Variants in RAI1 observed in about 807,000 individuals in gnomAD.
RAI1 encodes the protein retinoic acid-induced protein 1.
RAI1 carries 9 observed loss-of-function variants against 123.8 expected under a neutral mutation model. That is an observed-to-expected ratio of 0.07 (90% confidence interval 0.04 to 0.13). The LOEUF (loss-of-function observed/expected upper bound fraction) is 0.13, where lower values mean the gene tolerates loss of function less well. Among genes scored for constraint, RAI1 ranks in the 10% least tolerant of loss-of-function variants. RAI1 has a pLI of 1.00. For missense variants in RAI1, 2,256 were observed against 2,545.8 expected (o/e 0.89, Z 2.45); for synonymous variants, 1,231 against 1,127.3 (o/e 1.09, Z -1.84).
chr17:17,769,727 A>G (rs1299484186), intron 2 of RAI1, among the ~76,000 whole-genome samples: 1 of 152,180 alleles, frequency 6.6e-6, no homozygotes, highest in Non-Finnish European at 1.5e-5. Flanking sequence ...GGCCTTACAG[A>G]AGGACTGGGG....
intron 2 of RAI1, among the ~76,000 whole-genome samples, chr17:17,792,131 A>G (rs917186866): frequency 4.6e-5 from 7 of 152,152 alleles, no homozygotes; most frequent in African/African-American, 1.4e-4. Flanking sequence ...TGGGCCACGT[A>G]ATCTGTTTAT....
intron 1 of RAI1, among the ~76,000 whole-genome samples, chr17:17,709,963 C>T (rs1845957841): frequency 6.6e-6 from 1 of 152,196 alleles, no homozygotes; most frequent in Non-Finnish European, 1.5e-5. Context: ...GCACCTCACG[C>T]TCATTCACAG....
chr17:17,708,677 C>T (rs1021664897), intron 1 of RAI1, among the ~76,000 whole-genome samples: 5 of 152,134 alleles, frequency 3.3e-5, no homozygotes, highest in Non-Finnish European at 7.4e-5. Flanking sequence ...TGTACACCTC[C>T]TGTGACTCCT....
At chr17:17,770,086 T>G (rs116700149) in intron 2 of RAI1, among the ~76,000 whole-genome samples, 6,063 of 150,930 alleles carry the variant, frequency 0.04, 407 homozygotes, top group African/African-American at 0.14. Flanking sequence ...ACAAGGCCTG[T>G]GATGGGAGGG....
rs534184064 is a variant in RAI1 at position 17,780,722 on chromosome 17, G to A, written c.-16-12211G>A. ...GGCATCAGCCTTTGAGGGTGCTGCA[G>A]TTACACGGCTCCAGCAGTCTGAGCC... On this transcript the variant is annotated intron_variant, in intron 2 of 5. Transcript: ENST00000353383. Among the ~76,000 whole-genome samples the A allele has an allele frequency of 1.0e-3, 158 of 152,344 alleles. 1 individual carries two copies. Among genetic ancestry groups the A allele is most frequent in the Non-Finnish European group, 1.9e-3 (126 of 68,032 alleles).
In RAI1 at chr17:17,697,014, C is replaced by T. The variant is rs189831057; in HGVS notation, c.-149+15221C>T. On this transcript the variant is annotated intron_variant, in intron 1 of 5. Transcript: ENST00000353383. Reference sequence around the variant, plus strand: ...GAGGCATGCAGGCTTGGCACCAGCACAGCCTCCCTCTGCCCAGCTGCCCCT... The same window carrying T: ...GAGGCATGCAGGCTTGGCACCAGCATAGCCTCCCTCTGCCCAGCTGCCCCT... Among the ~76,000 whole-genome samples the T allele has an allele frequency of 3.6e-3, 547 of 152,350 alleles. 3 individuals are homozygous for T. Among genetic ancestry groups the T allele is most frequent in the Admixed American group, 7.0e-3 (107 of 15,312 alleles).
At chr17:17,802,267 C>A in intron 3 of RAI1, 1 of 436,910 alleles carries the variant, frequency 2.3e-6, no homozygotes, top group Non-Finnish European at 4.7e-6. Context: ...AAGGGATTAC[C>A]ACGTCACCGC....
At chr17:17,768,183 T>C (rs1192984685) in intron 2 of RAI1, among the ~76,000 whole-genome samples, 1 of 152,192 alleles carries the variant, frequency 6.6e-6, no homozygotes, top group Non-Finnish European at 1.5e-5. Flanking sequence ...TAGGGGACAC[T>C]GTCAGGGGGT....
chr17:17,756,133 C>T (rs1462360273), intron 2 of RAI1, among the ~76,000 whole-genome samples: 3 of 151,998 alleles, frequency 2.0e-5, no homozygotes, highest in African/African-American at 7.3e-5. Flanking sequence ...CTGGAGCCTG[C>T]GAAACTTAAG....
At position 17,796,091 on chromosome 17, in the gene RAI1, C is replaced by A. The variant is rs758990336; in HGVS notation, c.3143C>A (p.Ala1048Asp). The A allele has an allele frequency of 6.5e-5, 102 of 1,581,264 alleles. No homozygotes were observed. The highest frequency in any genetic ancestry group is 6.6e-5 in the Non-Finnish European group (77 of 1,163,938). ...GGGGCTGGAGCCCCAGGCCGGGGGG[C>A]CTCGGAAGGGCTCCCCAGGATGTGT... Reference protein sequence around the residue: ...MEGAGAPGRGASEGLPRMCTR... With the variant: ...MEGAGAPGRGDSEGLPRMCTR... Residue 1048 changes from alanine (A) to aspartate (D), a missense_variant, in exon 3 of 6, where the codon GCC becomes GAC. By Grantham distance (126) the Ala-to-Asp change is moderately radical. Around this residue, in one of 7 missense-constraint regions of RAI1, gnomAD observed 566 missense variants for 616.0 expected, o/e 0.92. Coordinates refer to ENST00000353383, the MANE Select transcript of RAI1 (RefSeq NM_030665.4). This position sits in a 1 kb window ranked among gnomAD's most constrained non-coding sequence, Gnocchi z 5.8.
At chr17:17,771,596 A>ATTGCTGGGGGC (rs2031160249) in intron 2 of RAI1, among the ~76,000 whole-genome samples, 2 of 152,154 alleles carry the variant, frequency 1.3e-5, no homozygotes, top group African/African-American at 4.8e-5. Flanking sequence ...AGATGCAGGG[A>ATTGCTGGGGGC]TTGCTGGGGG....
intron 2 of RAI1, among the ~76,000 whole-genome samples, chr17:17,759,576 T>C (rs181117035): frequency 1.4e-4 from 21 of 152,318 alleles, no homozygotes; most frequent in Admixed American, 5.9e-4. Flanking sequence ...TCATGTTCTT[T>C]CTGCATACCC....
Position 17,809,879 on chromosome 17 carries a change from G to A in RAI1, c.5710-91G>A. The A allele has an allele frequency of 6.5e-7, 1 of 1,538,584 alleles. No homozygotes were observed. Among genetic ancestry groups the A allele is most frequent in the Non-Finnish European group, 8.8e-7 (1 of 1,138,952 alleles). ...CGCGCTCTGGGGTCGCCTGGGTCTG[G>A]GGCTTAGGCGGGGGGCCCACACTGG... On this transcript the variant is annotated intron_variant, in intron 5 of 5. Transcript: ENST00000353383. This position sits in a 1 kb window ranked among gnomAD's most constrained non-coding sequence, Gnocchi z 4.9.
At chr17:17,695,313 A>C (rs1336419767) in intron 1 of RAI1, among the ~76,000 whole-genome samples, 4 of 152,100 alleles carry the variant, frequency 2.6e-5, no homozygotes, top group Non-Finnish European at 4.4e-5. Context: ...GCCTCCCTCC[A>C]GCCCAGGAGC....
rs769446434 is a variant in RAI1, at chr17:17,796,776, C to T, written c.3828C>T (p.Pro1276=). The T allele has an allele frequency of 1.1e-5, 17 of 1,612,908 alleles. No individual in the cohort carries two copies. Among genetic ancestry groups the T allele is most frequent in the Non-Finnish European group, 1.4e-5 (17 of 1,179,726 alleles). ...CCCTCTTCAAGAGGATGTCTTCTCC[C>T]AAGAAAGCCAAGCCCACCAAGGGCA... ...SPTLFKRMSS[P]KKAKPTKGNG... The change falls in exon 3 of 6, where the codon CCC becomes CCT. Residue 1276 remains proline (P), a synonymous_variant. Transcript: ENST00000353383. This position sits in a 1 kb window ranked among gnomAD's most constrained non-coding sequence, Gnocchi z 5.8.
intron 1 of RAI1, chr17:17,684,704 A>ATATGTATG (rs1555552020): frequency 1.3e-3 from 160 of 119,520 alleles, no homozygotes; most frequent in East Asian, 5.9e-3. Context: ...ATATATATAT[A>ATATGTATG]TATGTATGTA....
At position 17,809,872 on chromosome 17, in the gene RAI1, G is replaced by T; in HGVS notation, c.5710-98G>T. 6.5e-7 allele frequency: 1 copy of T among 1,528,164 alleles called. No homozygotes were observed. The highest frequency in any genetic ancestry group is 8.8e-7 in the Non-Finnish European group (1 of 1,130,232). 94.7% of individuals were successfully genotyped at this position (1,528,164 alleles called of 1,614,324 possible). ...CCCCAGCCGCGCTCTGGGGTCGCCTGGGTCTGGGGCTTAGGCGGGGGGCCC... is the reference window on the plus strand; with the variant it reads ...CCCCAGCCGCGCTCTGGGGTCGCCTTGGTCTGGGGCTTAGGCGGGGGGCCC... On this transcript the variant is annotated intron_variant, in intron 5 of 5. Coordinates refer to ENST00000353383, the MANE Select transcript of RAI1 (RefSeq NM_030665.4). This position sits in a 1 kb window ranked among gnomAD's most constrained non-coding sequence, Gnocchi z 4.9.
At chr17:17,688,373 A>G (rs1249854518) in intron 1 of RAI1, among the ~76,000 whole-genome samples, 1 of 151,824 alleles carries the variant, frequency 6.6e-6, no homozygotes, top group African/African-American at 2.4e-5. Flanking sequence ...AATCCCAGCT[A>G]CTTGGGAGGC....
rs374381036 is a variant in RAI1, at chr17:17,797,226, C to T, written c.4278C>T (p.Thr1426=). The T allele has an allele frequency of 1.4e-5, 23 of 1,613,572 alleles. No homozygotes were observed. Among genetic ancestry groups the T allele is most frequent in the South Asian group, 2.2e-5 (2 of 91,082 alleles). The part of the protein sequence containing the change: ...KKLSSTDCFK[T]EAFTSPEALQ... Reference sequence around the variant, plus strand: ...TGTCTTCTACTGACTGTTTCAAAACCGAGGCCTTCACATCCCCGGAGGCCC... The same window carrying T: ...TGTCTTCTACTGACTGTTTCAAAACTGAGGCCTTCACATCCCCGGAGGCCC... The change falls in exon 3 of 6, where the codon ACC becomes ACT. Residue 1426 remains threonine (T), a synonymous_variant. Coordinates refer to ENST00000353383, the MANE Select transcript of RAI1 (RefSeq NM_030665.4).
Sources: allele counts gnomAD v4.1 joint callset (sites outside exome capture counted in the v4.1 genomes callset), GRCh38; gene constraint gnomAD v4.1.1; regional missense constraint gnomAD v4.1.1; non-coding constraint Gnocchi (gnomAD v3.1); transcripts MANE v1.5; gene names NCBI Gene and HGNC (gene_info 2026-07-23, HGNC 2026-07-21).